Variants in STAT3 observed in about 807,000 individuals in gnomAD.
STAT3 encodes signal transducer and activator of transcription 3, also known as DNA-binding protein APRF.
Under a neutral mutation model 114.3 loss-of-function variants are expected in STAT3, and 7 were observed. The ratio of observed to expected loss-of-function variants is 0.06; its 90% confidence interval spans 0.03 to 0.11. STAT3 has a LOEUF of 0.11. Ranked by LOEUF, STAT3 falls within the 10% of genes least tolerant of loss-of-function variation. The probability of loss-of-function intolerance (pLI) is 1.00; values close to 1 mark genes in which losing one functional copy is unlikely to be tolerated. For missense variants in STAT3, 364 were observed against 960.9 expected (o/e 0.38, Z 8.21); for synonymous variants, 331 against 354.5 (o/e 0.93, Z 0.74).
At chr17:42,335,767 G>A (rs1256077513) in intron 8 of STAT3, among the ~76,000 whole-genome samples, 2 of 152,154 alleles carry the variant, frequency 1.3e-5, no homozygotes, top group Non-Finnish European at 2.9e-5. Context: ...GGAAGGTTGT[G>A]ACTAAGAATC....
chr17:42,319,541 CAAAAAAAAAAAAA>C (rs552897255), intron 21 of STAT3, among the ~76,000 whole-genome samples: 11 of 43,852 alleles, frequency 2.5e-4, no homozygotes, highest in South Asian at 1.8e-3. Context: ...GACTCAGGCT[CAAAAAAAAAAAAA>C]AAAAAAAAAA....
chr17:42,359,188 G>A (rs1244900822), intron 1 of STAT3, among the ~76,000 whole-genome samples: 1 of 151,994 alleles, frequency 6.6e-6, no homozygotes, highest in East Asian at 1.9e-4. Flanking sequence ...GCCCACCTCG[G>A]CCTCCCAAAG....
chr17:42,328,546 T>A (rs1462439858), intron 14 of STAT3, among the ~76,000 whole-genome samples: 2 of 152,212 alleles, frequency 1.3e-5, no homozygotes, highest in Non-Finnish European at 2.9e-5. Flanking sequence ...TAACTGGGAC[T>A]ACAGGCGTGC....
intron 1 of STAT3, among the ~76,000 whole-genome samples, chr17:42,371,503 C>A (rs1219708362): frequency 6.7e-6 from 1 of 148,954 alleles, no homozygotes; most frequent in Non-Finnish European, 1.5e-5. Context: ...GAAACCTCGT[C>A]TCTAATTAAA....
At chr17:42,381,644 G>A (rs1224907675) in intron 1 of STAT3, among the ~76,000 whole-genome samples, 2 of 151,340 alleles carry the variant, frequency 1.3e-5, no homozygotes, top group Admixed American at 6.6e-5. Flanking sequence ...AGGCAGGAGA[G>A]TGGCGTGAAC....
chr17:42,343,742 C>T (rs1254644108), intron 4 of STAT3, among the ~76,000 whole-genome samples: 2 of 152,078 alleles, frequency 1.3e-5, no homozygotes, highest in Admixed American at 6.6e-5. Flanking sequence ...CGTGAGACAT[C>T]GTGCCTGGCC....
At chr17:42,343,580 G>C (rs1007796927) in intron 4 of STAT3, among the ~76,000 whole-genome samples, 1 of 149,612 alleles carries the variant, frequency 6.7e-6, no homozygotes, top group African/African-American at 2.5e-5. Flanking sequence ...CCAGCTTCCC[G>C]AGTAGCTGGG....
chr17:42,322,279 AACT>A lies in STAT3; in HGVS notation c.2101_2101+2del. On this transcript the variant is annotated splice_donor_variant and coding_sequence_variant, in exon 21 of 24. Coordinates refer to ENST00000264657, the MANE Select transcript of STAT3 (RefSeq NM_139276.3). LOFTEE classifies it high-confidence loss of function. ...AATGCCAGGAACATGGAAAATCAAC[AACT>A]ACCTGGGTCAGCTTCAGGATGCTCC... The A allele has an allele frequency of 6.2e-7, 1 of 1,614,190 alleles. No homozygotes were observed. The highest frequency in any genetic ancestry group is 8.5e-7 in the Non-Finnish European group (1 of 1,180,028).
At position 42,316,886 on chromosome 17, in the gene STAT3, A is replaced by C. The variant is rs761802498; in HGVS notation, c.2160T>G (p.Asn720Lys). 6.2e-7 allele frequency: 1 copy of C among 1,612,100 alleles called. No individual in the cohort carries two copies. The change falls in exon 23 of 24, where the codon AAT (asparagine) becomes AAG (lysine). Residue 720 changes from asparagine (N) to lysine (K), a missense_variant. Asn to Lys is a moderately conservative substitution (Grantham distance 94). This residue lies in a region of STAT3 where 37 missense variants were observed against 66.5 expected (regional missense o/e 0.56). Coordinates refer to ENST00000264657, the MANE Select transcript of STAT3 (RefSeq NM_139276.3). ...GGGGGGACATCGGCAGGTCAATGGT[A>C]TTGCTGCAGGTCGTTCTGTAGGAAA... ...FICVTPTTCS[N>K]TIDLPMSPRT...
At chr17:42,340,313 G>A (rs2082389206) in intron 4 of STAT3, among the ~76,000 whole-genome samples, 1 of 147,550 alleles carries the variant, frequency 6.8e-6, no homozygotes, top group South Asian at 2.1e-4. Context: ...CCAAGACTGC[G>A]CCATGCACTC....
chr17:42,343,660 G>A (rs748039075), intron 4 of STAT3, among the ~76,000 whole-genome samples: 9 of 151,620 alleles, frequency 5.9e-5, no homozygotes, highest in East Asian at 3.9e-4. Flanking sequence ...TCATCATGTT[G>A]GCCAGGATGG....
intron 1 of STAT3, among the ~76,000 whole-genome samples, chr17:42,353,641 T>C (rs1006526102): frequency 6.6e-5 from 10 of 152,058 alleles, no homozygotes; most frequent in African/African-American, 2.2e-4. Context: ...GTGGCAAATA[T>C]AGATCACTGT....
At chr17:42,361,836 G>A (rs531314762) in intron 1 of STAT3, among the ~76,000 whole-genome samples, 1 of 152,324 alleles carries the variant, frequency 6.6e-6, no homozygotes, top group African/African-American at 2.4e-5. Context: ...ACAGACAAGT[G>A]ATAGTTTGAT....
In STAT3 at chr17:42,388,435, G is replaced by A; in HGVS notation, c.-180C>T. On this transcript the variant is annotated 5_prime_UTR_variant, in exon 1 of 24. Transcript: ENST00000264657. ...GATCCGGTTGGGGCTTGTTCCCTCG[G>A]CTGCGACGTCGGAACCCCCGGCTCC... 1 of 1,231,844 alleles carries A rather than the reference G, an allele frequency of 8.1e-7. No homozygotes were observed. Among genetic ancestry groups the A allele is most frequent in the Non-Finnish European group, 1.0e-6 (1 of 988,054 alleles). The allele number at this position is 1,231,844 out of a possible 1,614,324, so 76.3% of individuals were successfully genotyped here.
chr17:42,322,409 C>T lies in STAT3; in HGVS notation c.1974G>A (p.Lys658=). 1 of 1,614,204 alleles carries T rather than the reference C, an allele frequency of 6.2e-7. No individual in the cohort carries two copies. The highest frequency in any genetic ancestry group is 8.5e-7 in the Non-Finnish European group (1 of 1,180,038). ...CCAGGATATTGGTAGCATCCATGAT[C>T]TTATAGCCCATGATGATTTCAGCAA... is the stretch of plus-strand genomic sequence containing the variant. ...MSFAEIIMGY[K]IMDATNILVS... Residue 658 remains lysine (K), a synonymous_variant, in exon 21 of 24, where the codon AAG becomes AAA. Transcript: ENST00000264657.
intron 1 of STAT3, among the ~76,000 whole-genome samples, chr17:42,385,622 A>T (rs1351536241): frequency 1.3e-5 from 2 of 151,994 alleles, no homozygotes; most frequent in Non-Finnish European, 2.9e-5. Flanking sequence ...CCTCTACCCC[A>T]CCTCATATCT....
At chr17:42,382,488 G>C (rs2084854358) in intron 1 of STAT3, among the ~76,000 whole-genome samples, 1 of 152,092 alleles carries the variant, frequency 6.6e-6, no homozygotes, top group East Asian at 1.9e-4. Flanking sequence ...CGTCTCCCCT[G>C]TCCTACTTCC....
In STAT3 at chr17:42,329,418, T is replaced by A; in HGVS notation, c.1273A>T (p.Asn425Tyr). 6.2e-7 allele frequency: 1 copy of A among 1,614,056 alleles called. No individual in the cohort carries two copies. Among genetic ancestry groups the A allele is most frequent in the Non-Finnish European group, 8.5e-7 (1 of 1,180,024 alleles). Reference protein sequence around the residue: ...EQRCGNGGRANCDASLIVTEE... With the variant: ...EQRCGNGGRAYCDASLIVTEE... Reference sequence around the variant, plus strand: ...TCCCCAACAAAACTTACATCACAATTGGCTCGGCCCCCATTCCCACATCTC... The same window carrying A: ...TCCCCAACAAAACTTACATCACAATAGGCTCGGCCCCCATTCCCACATCTC... The change falls in exon 14 of 24, where the codon AAT (asparagine) becomes TAT (tyrosine). Residue 425 changes from asparagine (N) to tyrosine (Y), a missense_variant. Physicochemically the swap from Asn to Tyr is moderately radical, Grantham distance 143. Around this residue, in one of 5 missense-constraint regions of STAT3, gnomAD observed 294 missense variants for 745.1 expected, o/e 0.39. Coordinates refer to ENST00000264657, the MANE Select transcript of STAT3 (RefSeq NM_139276.3).
At chr17:42,375,884 G>A (rs1308185121) in intron 1 of STAT3, among the ~76,000 whole-genome samples, 1 of 151,752 alleles carries the variant, frequency 6.6e-6, no homozygotes, top group Non-Finnish European at 1.5e-5. Flanking sequence ...CGGGCGCAAT[G>A]GCTCACACCT....
Sources: allele counts gnomAD v4.1 joint callset (sites outside exome capture counted in the v4.1 genomes callset), GRCh38; gene constraint gnomAD v4.1.1; regional missense constraint gnomAD v4.1.1; transcripts MANE v1.5; gene names NCBI Gene and HGNC (gene_info 2026-07-23, HGNC 2026-07-21).